NIPSNAP1: variants seen among roughly 807,000 people sequenced by gnomAD.
The protein encoded by NIPSNAP1 is nipsnap homolog 1, also known as protein NipSnap homolog 1.
A neutral mutation model predicts 49.2 loss-of-function variants in NIPSNAP1; 25 were observed. The observed-to-expected ratio is 0.51, with a 90% CI of 0.37 to 0.71. The LOEUF (loss-of-function observed/expected upper bound fraction) is 0.71, where lower values mean the gene tolerates loss of function less well. NIPSNAP1 is among the 30% of genes least tolerant of loss of function. NIPSNAP1 has a pLI of 0.00. For synonymous variants in NIPSNAP1, 143 were observed against 140.7 expected (o/e 1.02, Z -0.12); for missense variants, 294 against 361.0 (o/e 0.81, Z 1.50).
intron 1 of NIPSNAP1, 46 bp downstream of exon 1, chr22:29,580,939 G>A (rs1368495999): frequency 7.6e-6 from 11 of 1,446,706 alleles, no homozygotes; most frequent in Non-Finnish European, 1.0e-5. Context: ...CCCCGCGCCT[G>A]CACCCCACCC....
intron 4 of NIPSNAP1, among the ~76,000 whole-genome samples, chr22:29,565,318 C>T (rs929889750): frequency 6.6e-6 from 1 of 151,668 alleles, no homozygotes; most frequent in Non-Finnish European, 1.5e-5. Context: ...TCGAGACCAG[C>T]CTGGCCAAGA....
chr22:29,558,624 C>T (rs141009151), intron 9 of NIPSNAP1, among the ~76,000 whole-genome samples: 2 of 152,134 alleles, frequency 1.3e-5, no homozygotes, highest in African/African-American at 2.4e-5. Flanking sequence ...TCACAATGGG[C>T]GTTTGCTAAT....
chr22:29,558,456 G>A (rs1442945576), intron 9 of NIPSNAP1, among the ~76,000 whole-genome samples: 1 of 152,118 alleles, frequency 6.6e-6, no homozygotes, highest in Non-Finnish European at 1.5e-5. Context: ...GTGACAGAGT[G>A]AGACTGTGTC....
Position 29,555,312 on chromosome 22 carries a change from T to C in NIPSNAP1, c.*623A>G, listed in dbSNP as rs2146596817. 6.5e-6 allele frequency: 1 copy of C among 153,510 alleles called. No homozygotes were observed. Among genetic ancestry groups the C allele is most frequent in the Non-Finnish European group, 1.5e-5 (1 of 68,684 alleles). 9.5% of individuals were successfully genotyped at this position (153,510 alleles called of 1,614,324 possible). A position where few individuals can be genotyped will look rare whatever the true frequency, so the allele number is the denominator to read the frequency against. On this transcript the variant is annotated 3_prime_UTR_variant, in exon 10 of 10. Coordinates refer to ENST00000216121, the MANE Select transcript of NIPSNAP1 (RefSeq NM_003634.4). ...ACCTTCCGAGTTCCTGTTACGTGTC[T>C]GTCTCCTGCCCCTAAATCTTTCCTG...
rs2146622591 is a variant in NIPSNAP1, at chr22:29,581,022, GC to G, written c.60del (p.Pro21LeufsTer59). The G allele has an allele frequency of 2.6e-6, 4 of 1,536,596 alleles. No individual in the cohort carries two copies. The highest frequency in any genetic ancestry group is 1.4e-5 in the African/African-American group (1 of 72,672). ...VTARRLLGGPGPRAGDVASAA... is the reference protein window; with the variant it reads ...VTARRLLGGPXPRAGDVASAA... The stretch of plus-strand genomic sequence containing the variant: ...GCAGACGCAACGTCCCCAGCGCGAG[GC>G]CCCGGGCCCCCCAGCAGCCGCCGCG... On this transcript the variant is annotated frameshift_variant, in exon 1 of 10. Coordinates refer to ENST00000216121, the MANE Select transcript of NIPSNAP1 (RefSeq NM_003634.4). LOFTEE classifies it high-confidence loss of function.
intron 1 of NIPSNAP1, among the ~76,000 whole-genome samples, chr22:29,578,413 C>T (rs2064471926): frequency 6.6e-6 from 1 of 151,228 alleles, no homozygotes; most frequent in Non-Finnish European, 1.5e-5. Flanking sequence ...TTCAAGCAAT[C>T]CTCCCACCTT....
rs574102676 is a variant in NIPSNAP1, at chr22:29,570,005, G to GAGAA, written c.272+153_272+156dup. 1,499 of 700,798 alleles carry GAGAA rather than the reference G, an allele frequency of 2.1e-3. 15 individuals carry two copies. Among genetic ancestry groups the GAGAA allele is most frequent in the African/African-American group, 0.019 (1,050 of 55,478 alleles). The allele number at this position is 700,798 out of a possible 1,614,324, so 43.4% of individuals were successfully genotyped here. ...ACTCCATCTCAAAAAAAAAGAAAGAGAGAAAGAAAGAAAGAAAGAAAAAGG... is the reference window on the plus strand; with the variant it reads ...ACTCCATCTCAAAAAAAAAGAAAGAGAGAAAGAAAGAAAGAAAGAAAGAAAAAGG... On this transcript the variant is annotated intron_variant, in intron 3 of 9. Coordinates refer to ENST00000216121, the MANE Select transcript of NIPSNAP1 (RefSeq NM_003634.4).
At chr22:29,558,696 A>G (rs1252875498) in intron 9 of NIPSNAP1, among the ~76,000 whole-genome samples, 174 bp downstream of exon 9, 1 of 152,032 alleles carries the variant, frequency 6.6e-6, no homozygotes, top group East Asian at 1.9e-4. Flanking sequence ...GTACTCACCT[A>G]GGCCTGCTGG....
intron 4 of NIPSNAP1, among the ~76,000 whole-genome samples, chr22:29,563,367 T>C (rs571793523): frequency 1.3e-5 from 2 of 149,726 alleles, no homozygotes; most frequent in African/African-American, 4.9e-5. Flanking sequence ...CCATCTCTAC[T>C]AAAACAAAAA....
At chr22:29,568,835 G>A (rs2064386371) in intron 4 of NIPSNAP1, among the ~76,000 whole-genome samples, 1 of 152,158 alleles carries the variant, frequency 6.6e-6, no homozygotes, top group East Asian at 1.9e-4. Flanking sequence ...GGTAAAGCAG[G>A]CAAACAAGAA....
At chr22:29,568,879 G>T (rs901499789) in intron 4 of NIPSNAP1, among the ~76,000 whole-genome samples, 2 of 152,214 alleles carry the variant, frequency 1.3e-5, no homozygotes, top group Non-Finnish European at 2.9e-5. Flanking sequence ...AGAATGAGCA[G>T]TAGTCTGGAA....
intron 1 of NIPSNAP1, among the ~76,000 whole-genome samples, chr22:29,573,578 G>T (rs1463957671): frequency 6.6e-6 from 1 of 152,018 alleles, no homozygotes; most frequent in Non-Finnish European, 1.5e-5. Flanking sequence ...AGACCAGCCT[G>T]ACCAACATGG....
At chr22:29,559,666 T>C (rs1242703638) in intron 8 of NIPSNAP1, among the ~76,000 whole-genome samples, 1 of 151,958 alleles carries the variant, frequency 6.6e-6, no homozygotes, top group African/African-American at 2.4e-5. Context: ...GCCTGGGAGC[T>C]CTTCTGGAAT....
intron 1 of NIPSNAP1, among the ~76,000 whole-genome samples, chr22:29,575,706 AGTT>A (rs2064446280): frequency 1.7e-5 from 2 of 119,590 alleles, no homozygotes; most frequent in South Asian, 4.9e-4. Context: ...TGAACCCAGG[AGTT>A]GTTTTTTTTT....
chr22:29,560,659 C>A, intron 8 of NIPSNAP1, 75 bp downstream of exon 8: 2 of 1,178,084 alleles, frequency 1.7e-6, no homozygotes. Flanking sequence ...GACACTAATA[C>A]AACCCCATTG....
chr22:29,574,753 T>C (rs540288422), intron 1 of NIPSNAP1, among the ~76,000 whole-genome samples: 76 of 137,668 alleles, frequency 5.5e-4, no homozygotes, highest in African/African-American at 2.0e-3. Context: ...CACTCCAGAC[T>C]GGGCTACAAG....
At position 29,554,953 on chromosome 22, in the gene NIPSNAP1, C is replaced by G. The variant is rs2064277679; in HGVS notation, c.*982G>C. On this transcript the variant is annotated 3_prime_UTR_variant, in exon 10 of 10. Coordinates refer to ENST00000216121, the MANE Select transcript of NIPSNAP1 (RefSeq NM_003634.4). ...CAGAGTCACTGACCCCTCCCGCCAC[C>G]TCCACACACCAGGTGGCCCTGCAGA... The G allele has an allele frequency of 6.6e-6, 1 of 152,654 alleles. No individual in the cohort carries two copies. The highest frequency in any genetic ancestry group is 1.5e-5 in the Non-Finnish European group (1 of 68,110). The allele number at this position is 152,654 out of a possible 1,614,324, so 9.5% of individuals were successfully genotyped here.
chr22:29,555,648 A>C lies in NIPSNAP1; in HGVS notation c.*287T>G. On this transcript the variant is annotated 3_prime_UTR_variant, in exon 10 of 10. Coordinates refer to ENST00000216121, the MANE Select transcript of NIPSNAP1 (RefSeq NM_003634.4). ...GGGACTGGTGGCCTTGAGATGAGGA[A>C]TTTTAGAAGATAAATGAAGGCCTAA... The C allele has an allele frequency of 4.8e-6, 2 of 416,110 alleles. No individual in the cohort carries two copies. Among genetic ancestry groups the C allele is most frequent in the East Asian group, 4.9e-5 (1 of 20,370 alleles). The allele number at this position is 416,110 out of a possible 1,614,324, so 25.8% of individuals were successfully genotyped here. A position where few individuals can be genotyped will look rare whatever the true frequency, so the allele number is the denominator to read the frequency against.
intron 4 of NIPSNAP1, among the ~76,000 whole-genome samples, chr22:29,562,344 T>C (rs2146604430): frequency 6.6e-6 from 1 of 152,300 alleles, no homozygotes; most frequent in Admixed American, 6.5e-5. Context: ...ATGTGTGGTA[T>C]GCTACCTCAT....
Sources: gnomAD v4.1 joint callset for allele counts (sites outside exome capture counted in the v4.1 genomes callset) on GRCh38, gnomAD v4.1.1 for gene constraint, MANE v1.5 for transcripts, NCBI Gene and HGNC (gene_info 2026-07-23, HGNC 2026-07-21) for gene names.